Variants in LRP1B observed in about 807,000 individuals in gnomAD.
LRP1B encodes the protein LDL receptor related protein 1B.
Under a neutral mutation model 556.6 loss-of-function variants are expected in LRP1B, and 217 were observed. The observed-to-expected ratio is 0.39, with a 90% confidence interval of 0.35 to 0.44. LRP1B has a LOEUF of 0.44. Among genes scored for constraint, LRP1B ranks in the 20% least tolerant of loss-of-function variants. LRP1B has a pLI of 1.00. For missense variants in LRP1B, 5,053 were observed against 5,620.8 expected, an observed-to-expected ratio of 0.90 and a Z score of 3.23; for synonymous variants, 2,047 against 1,865.8, an observed-to-expected ratio of 1.10 and a Z score of -2.50.
At chr2:140,881,670 A>G (rs1693479941) in intron 25 of LRP1B, among the ~76,000 whole-genome samples, 1 of 152,058 alleles carries the variant, frequency 6.6e-6, no homozygotes. Flanking sequence ...TTTATTATCA[A>G]TGTAATTATC....
intron 49 of LRP1B, among the ~76,000 whole-genome samples, chr2:140,520,078 T>C (rs77276558): frequency 0.76 from 114,871 of 151,998 alleles, 44,000 homozygotes; most frequent in Middle Eastern, 0.89. Flanking sequence ...ACTAGAAATA[T>C]CATTTGACCT....
At chr2:141,556,568 C>G (rs1292863660) in intron 2 of LRP1B, among the ~76,000 whole-genome samples, 3 of 151,846 alleles carry the variant, frequency 2.0e-5, no homozygotes, top group Admixed American at 2.0e-4. Flanking sequence ...TACTTATTAA[C>G]AGCTGTATGT....
chr2:141,110,876 A>G (rs543673366), intron 7 of LRP1B, among the ~76,000 whole-genome samples: 25 of 152,304 alleles, frequency 1.6e-4, no homozygotes, highest in Middle Eastern at 3.4e-3. Flanking sequence ...TCAACTTAAA[A>G]CAATCATTAT....
chr2:141,162,862 G>A (rs942768027), intron 7 of LRP1B, among the ~76,000 whole-genome samples: 5 of 152,080 alleles, frequency 3.3e-5, no homozygotes, highest in African/African-American at 1.2e-4. Flanking sequence ...AGAATCTGTG[G>A]TGGACAGTTA....
intron 62 of LRP1B, among the ~76,000 whole-genome samples, chr2:140,455,553 G>A (rs751296514): frequency 9.9e-5 from 15 of 152,142 alleles, no homozygotes; most frequent in Admixed American, 3.3e-4. Context: ...CAGAGTCTAT[G>A]CCCTTAACCT....
At chr2:141,591,660 T>C (rs1375826795) in intron 2 of LRP1B, among the ~76,000 whole-genome samples, 2 of 151,726 alleles carry the variant, frequency 1.3e-5, no homozygotes, top group East Asian at 3.9e-4. Context: ...ATGAAGCAAT[T>C]TGGGCAGACA....
intron 77 of LRP1B, among the ~76,000 whole-genome samples, chr2:140,344,612 C>T (rs976424003): frequency 6.6e-6 from 1 of 151,670 alleles, no homozygotes; most frequent in African/African-American, 2.4e-5. Context: ...ATAGAGTTGT[C>T]GTTAAATGAG....
chr2:140,665,250 T>C (rs186137311), intron 41 of LRP1B, among the ~76,000 whole-genome samples: 16 of 152,324 alleles, frequency 1.1e-4, no homozygotes, highest in Non-Finnish European at 2.9e-5. Context: ...TATTTTTTTC[T>C]CCTTTGACAC....
chr2:141,364,779 C>G (rs1298038087), intron 3 of LRP1B, among the ~76,000 whole-genome samples: 1 of 152,102 alleles, frequency 6.6e-6, no homozygotes, highest in African/African-American at 2.4e-5. Context: ...AAATTTGAAT[C>G]TGAAAATTTC....
intron 3 of LRP1B, among the ~76,000 whole-genome samples, chr2:141,343,720 G>A (rs1344179366): frequency 6.6e-6 from 1 of 152,108 alleles, no homozygotes; most frequent in Non-Finnish European, 1.5e-5. Flanking sequence ...AGTCTGCTTT[G>A]AGCTCTGTAA....
intron 7 of LRP1B, among the ~76,000 whole-genome samples, chr2:141,095,560 CTATCT>C (rs1700276835): frequency 6.6e-6 from 1 of 151,366 alleles, no homozygotes; most frequent in Admixed American, 6.6e-5. Flanking sequence ...TCTTTCATTT[CTATCT>C]TATCTTTACT....
At chr2:141,453,576 C>T (rs986127932) in intron 3 of LRP1B, among the ~76,000 whole-genome samples, 2 of 151,978 alleles carry the variant, frequency 1.3e-5, no homozygotes, top group African/African-American at 4.8e-5. Context: ...AATGTTATAC[C>T]GTCTTATGAA....
At chr2:141,733,784 A>G (rs2105524218) in intron 2 of LRP1B, among the ~76,000 whole-genome samples, 1 of 152,260 alleles carries the variant, frequency 6.6e-6, no homozygotes. Flanking sequence ...CTGCCTGCCT[A>G]AAATCAAATC....
chr2:140,250,030 T>C (rs541500067), intron 86 of LRP1B, among the ~76,000 whole-genome samples: 2 of 151,994 alleles, frequency 1.3e-5, no homozygotes, highest in African/African-American at 4.8e-5. Flanking sequence ...AAAATCCATA[T>C]TCCATGTGCT....
At chr2:141,285,553 T>A (rs1171131287) in intron 3 of LRP1B, among the ~76,000 whole-genome samples, 1 of 146,380 alleles carries the variant, frequency 6.8e-6, no homozygotes, top group Admixed American at 6.8e-5. Flanking sequence ...CCTCCCAGGT[T>A]CAAGCGATTC....
intron 1 of LRP1B, among the ~76,000 whole-genome samples, chr2:142,124,047 T>G (rs1269144159): frequency 6.6e-6 from 1 of 151,834 alleles, no homozygotes; most frequent in East Asian, 1.9e-4. Flanking sequence ...TTTTTTTAAT[T>G]TTAATTTTAG....
At chr2:141,739,416 G>A (rs10469560) in intron 2 of LRP1B, among the ~76,000 whole-genome samples, 133,455 of 152,072 alleles carry the variant, frequency 0.88, 59,546 homozygotes, top group East Asian at 1. Context: ...ATGGGGATTC[G>A]TGATCTTATT....
chr2:141,480,611 A>G (rs944863870), intron 2 of LRP1B, 78 bp from the exon 3 acceptor site: 2 of 1,419,242 alleles, frequency 1.4e-6, no homozygotes, highest in East Asian at 2.3e-5. Context: ...AGAAATTACT[A>G]GCATTGTTTT....
intron 31 of LRP1B, among the ~76,000 whole-genome samples, chr2:140,819,449 A>C (rs761106710): frequency 2.0e-5 from 3 of 152,198 alleles, no homozygotes; most frequent in Non-Finnish European, 4.4e-5. Context: ...CCATGCATCC[A>C]ACAAAAGGTA....
Sources: allele counts gnomAD v4.1 joint callset (sites outside exome capture counted in the v4.1 genomes callset), GRCh38; gene constraint gnomAD v4.1.1; transcripts MANE v1.5; gene names NCBI Gene and HGNC (gene_info 2026-07-23, HGNC 2026-07-21).